The following HS3ST2 variants were observed in gnomAD, a reference collection of about 807,000 sequenced individuals.
HS3ST2 encodes the protein heparan sulfate glucosamine 3-O-sulfotransferase 2.
Under a neutral mutation model 26.3 loss-of-function variants are expected in HS3ST2, and 17 were observed. The ratio of observed to expected loss-of-function variants is 0.65; its 90% CI spans 0.44 to 0.97. The LOEUF (loss-of-function observed/expected upper bound fraction) is 0.97. Ranked by LOEUF, HS3ST2 falls within the 50% of genes least tolerant of loss-of-function variation. The pLI is 0.00. For missense variants in HS3ST2, 402 were observed against 501.2 expected, an observed-to-expected ratio of 0.80 and a Z score of 1.89; for synonymous variants, 237 against 219.2, an observed-to-expected ratio of 1.08 and a Z score of -0.72.
intron 1 of HS3ST2, among the ~76,000 whole-genome samples, chr16:22,878,858 G>A (rs1382129807): frequency 6.6e-6 from 1 of 152,136 alleles, no homozygotes; most frequent in Non-Finnish European, 1.5e-5. Context: ...AGGCCCTGGG[G>A]TAGGCGGGTG....
At chr16:22,870,378 G>A (rs1441381251) in intron 1 of HS3ST2, among the ~76,000 whole-genome samples, 1 of 152,166 alleles carries the variant, frequency 6.6e-6, no homozygotes, top group Non-Finnish European at 1.5e-5. Context: ...ACTGGGTGCA[G>A]CTTCTAATTG....
chr16:22,820,695 T>C (rs1900979269), intron 1 of HS3ST2, among the ~76,000 whole-genome samples: 1 of 152,234 alleles, frequency 6.6e-6, no homozygotes, highest in South Asian at 2.1e-4. Context: ...GTGGGAATTA[T>C]GGGAGCTACA....
intron 1 of HS3ST2, among the ~76,000 whole-genome samples, chr16:22,909,426 G>A (rs774745159): frequency 1.6e-3 from 242 of 152,176 alleles, no homozygotes; most frequent in Non-Finnish European, 2.0e-3. Flanking sequence ...CTGGAAACAA[G>A]TAAGCAAAAT....
chr16:22,823,417 AG>A (rs1901030487), intron 1 of HS3ST2, among the ~76,000 whole-genome samples: 1 of 152,202 alleles, frequency 6.6e-6, no homozygotes, highest in Admixed American at 6.5e-5. Flanking sequence ...AAGTCTGTGT[AG>A]TACCTAAAAT....
intron 1 of HS3ST2, among the ~76,000 whole-genome samples, chr16:22,825,719 G>C (rs1392047031): frequency 1.3e-5 from 2 of 152,194 alleles, no homozygotes; most frequent in African/African-American, 4.8e-5. Flanking sequence ...TCTGTTTACA[G>C]TCGAATCACA....
At chr16:22,885,708 G>A (rs208607) in intron 1 of HS3ST2, among the ~76,000 whole-genome samples, 47,915 of 151,922 alleles carry the variant, frequency 0.32, 9,436 homozygotes, top group East Asian at 0.46. Context: ...CACTTGCCTC[G>A]GCCTCCCAAA....
intron 1 of HS3ST2, among the ~76,000 whole-genome samples, chr16:22,820,174 C>T (rs1352623342): frequency 3.9e-5 from 6 of 152,220 alleles, no homozygotes; most frequent in Non-Finnish European, 7.3e-5. Flanking sequence ...CATAAACCCC[C>T]CCCCATTTGT....
chr16:22,865,985 A>G (rs757995268), intron 1 of HS3ST2, among the ~76,000 whole-genome samples: 26 of 152,316 alleles, frequency 1.7e-4, no homozygotes, highest in Middle Eastern at 6.8e-3. Flanking sequence ...GTCAATGGTC[A>G]TTTCTGAAAA....
intron 1 of HS3ST2, among the ~76,000 whole-genome samples, chr16:22,900,055 C>A (rs1902263138): frequency 6.6e-6 from 1 of 152,194 alleles, no homozygotes; most frequent in Non-Finnish European, 1.5e-5. Flanking sequence ...CCCAGTGTTG[C>A]CTCAGGAAGC....
At chr16:22,851,358 T>C (rs1901515675) in intron 1 of HS3ST2, among the ~76,000 whole-genome samples, 1 of 152,250 alleles carries the variant, frequency 6.6e-6, no homozygotes, top group Admixed American at 6.5e-5. Context: ...AGAAACTGAC[T>C]TTGTCTCATT....
intron 1 of HS3ST2, among the ~76,000 whole-genome samples, chr16:22,903,154 G>A (rs973762864): frequency 3.3e-5 from 5 of 151,752 alleles, no homozygotes; most frequent in African/African-American, 7.3e-5. Context: ...ATATTCTCAC[G>A]TTTTCTTCTT....
At position 22,814,877 on chromosome 16, in the gene HS3ST2, C is replaced by T. The variant is rs1411497793; in HGVS notation, c.267C>T (p.Pro89=). 4 of 1,557,820 alleles carry T rather than the reference C, an allele frequency of 2.6e-6. No homozygotes were observed. Among genetic ancestry groups the T allele is most frequent in the African/African-American group, 2.7e-5 (2 of 73,408 alleles). The stretch of plus-strand genomic sequence containing the variant: ...GCGAGCCCAGCGCTCCCAGCGCGCC[C>T]GCCGCCGCCGTGCCCGCCCCTCGCC... ...TPSEPSAPSA[P]AAAVPAPRLS... The change falls in exon 1 of 2, where the codon CCC becomes CCT. Residue 89 remains proline, a synonymous_variant. Transcript: ENST00000261374.
At chr16:22,907,892 C>A (rs1034907918) in intron 1 of HS3ST2, among the ~76,000 whole-genome samples, 1 of 152,148 alleles carries the variant, frequency 6.6e-6, no homozygotes, top group Non-Finnish European at 1.5e-5. Context: ...AATCCCAGCA[C>A]TTTGGGAGGC....
intron 1 of HS3ST2, among the ~76,000 whole-genome samples, chr16:22,864,785 C>T (rs529982472): frequency 6.6e-6 from 1 of 151,426 alleles, no homozygotes; most frequent in South Asian, 2.1e-4. Context: ...AAGGATCATG[C>T]CTGTAATCTC....
intron 1 of HS3ST2, among the ~76,000 whole-genome samples, chr16:22,819,717 G>T (rs564775658): frequency 5.9e-5 from 9 of 152,214 alleles, no homozygotes; most frequent in Non-Finnish European, 1.0e-4. Flanking sequence ...CATCGATGAT[G>T]TTCTTGGGAT....
rs183889898 is a variant in HS3ST2 at position 22,833,743 on chromosome 16, C to T, written c.485+18648C>T. On this transcript the variant is annotated intron_variant, in intron 1 of 1. Transcript: ENST00000261374. ...TACATATTGAGGTGTGTGGGATCTG[C>T]TACTATCATCATTGTCTCCAACATA... 1.1e-3 allele frequency among the ~76,000 whole-genome samples: 170 copies of T among 152,146 alleles called. No individual in the cohort carries two copies. The Middle Eastern group carries it at 0.014, about 12-fold the overall frequency.
At chr16:22,833,910 A>G (rs186002) in intron 1 of HS3ST2, among the ~76,000 whole-genome samples, 28,967 of 151,930 alleles carry the variant, frequency 0.19, 2,879 homozygotes, top group East Asian at 0.21. Flanking sequence ...GGAAGTTCTC[A>G]AGATATATTG....
At chr16:22,878,252 T>G (rs1428213271) in intron 1 of HS3ST2, among the ~76,000 whole-genome samples, 1 of 152,182 alleles carries the variant, frequency 6.6e-6, no homozygotes, top group Non-Finnish European at 1.5e-5. Flanking sequence ...TTTGCTTCAT[T>G]TTTTTTAGAA....
chr16:22,907,938 G>A (rs543733263), intron 1 of HS3ST2, among the ~76,000 whole-genome samples: 1 of 152,156 alleles, frequency 6.6e-6, no homozygotes, highest in Non-Finnish European at 1.5e-5. Flanking sequence ...AAGAGTTTGA[G>A]ACCAGCCAGG....
Sources: allele counts gnomAD v4.1 joint callset (sites outside exome capture counted in the v4.1 genomes callset), GRCh38; gene constraint gnomAD v4.1.1; transcripts MANE v1.5; gene names NCBI Gene and HGNC (gene_info 2026-07-23, HGNC 2026-07-21).